Variants in TRIM26 observed in about 807,000 individuals in gnomAD.
TRIM26 encodes tripartite motif-containing protein 26.
Under a neutral mutation model 45.5 loss-of-function variants are expected in TRIM26, and 16 were observed. The ratio of observed to expected loss-of-function variants is 0.35; its 90% CI spans 0.24 to 0.53. The LOEUF (loss-of-function observed/expected upper bound fraction) is 0.53, where lower values mean the gene tolerates loss of function less well. Among genes scored for constraint, TRIM26 ranks in the 20% least tolerant of loss-of-function variants. The pLI, the probability that TRIM26 is intolerant of heterozygous loss-of-function variation, is 0.92. For missense variants in TRIM26, 442 were observed against 691.1 expected (o/e 0.64, Z 4.04); for synonymous variants, 273 against 290.4 (o/e 0.94, Z 0.61).
Position 30,189,494 on chromosome 6 carries a change from A to G in TRIM26, c.828T>C (p.Ala276=), listed in dbSNP as rs1371947747. ...CTCCGGTCTTTTTTTTAACCACTCG[A>G]GCAATGGGTTTCCCAACCCAGAACT... ...RKKFWVGKPI[A]RVVKKKTGEF... is the part of the protein sequence containing the mutation. The change falls in exon 8 of 10, where the codon GCT becomes GCC. Residue 276 remains alanine, a synonymous_variant. Transcript: ENST00000454678. The surrounding 1 kb of genome is among the most constrained non-coding windows in gnomAD (Gnocchi z 5.0). 1.9e-6 allele frequency: 3 copies of G among 1,612,836 alleles called. No homozygotes were observed. Among genetic ancestry groups the G allele is most frequent in the Non-Finnish European group, 2.5e-6 (3 of 1,180,032 alleles).
chr6:30,205,619 C>T lies in TRIM26; in HGVS notation c.-375-854G>A, dbSNP rs539448907. ...GTGGGAGGCTAAGGCAGGAGGACTG[C>T]CTGAGCCCAGGAGTTTGAGACCAGC... On this transcript the variant is annotated intron_variant, in intron 1 of 9. Coordinates refer to ENST00000454678, the MANE Select transcript of TRIM26 (RefSeq NM_003449.5). Among the ~76,000 whole-genome samples the T allele has an allele frequency of 1.5e-3, 232 of 152,296 alleles. 3 individuals carry two copies. The highest frequency in any genetic ancestry group is 0.01 in the Middle Eastern group (3 of 294).
At chr6:30,187,608 C>T in intron 9 of TRIM26, 1 of 373,704 alleles carries the variant, frequency 2.7e-6, no homozygotes, top group Non-Finnish European at 5.4e-6. Flanking sequence ...GGTAATTACA[C>T]AGGTGAGCTC....
intron 1 of TRIM26, among the ~76,000 whole-genome samples, chr6:30,205,507 G>T (rs962739788): frequency 6.6e-6 from 1 of 152,142 alleles, no homozygotes; most frequent in Non-Finnish European, 1.5e-5. Flanking sequence ...ATGCATGCAC[G>T]ATTATTGGCT....
In TRIM26 at chr6:30,185,983, C is replaced by T. The variant is rs1443606164; in HGVS notation, c.1513G>A (p.Ala505Thr). 1.2e-6 allele frequency: 2 copies of T among 1,612,670 alleles called. No individual in the cohort carries two copies. The highest frequency in any genetic ancestry group is 1.7e-5 in the Admixed American group (1 of 59,980). Residue 505 changes from alanine (A) to threonine (T), a missense_variant, in exon 10 of 10, where the codon GCA (alanine) becomes ACA (threonine). Ala to Thr is a moderately conservative substitution (Grantham distance 58). Transcript: ENST00000454678. This position sits in a 1 kb window ranked among gnomAD's most constrained non-coding sequence, Gnocchi z 5.7. ...GTGTAGATGAGTTCCTGTGACTCTG[C>T]GTTGGTGAAAGTCACGGTGCCCCCT... ...YEGGTVTFTNAESQELIYTFT... is the reference protein window; with the variant it reads ...YEGGTVTFTNTESQELIYTFT...
chr6:30,188,772 G>A (rs775441596), intron 9 of TRIM26, among the ~76,000 whole-genome samples: 1 of 152,122 alleles, frequency 6.6e-6, no homozygotes, highest in East Asian at 1.9e-4. Flanking sequence ...CTGCAGGGCT[G>A]AGAGGGGGCA....
At position 30,189,438 on chromosome 6, in the gene TRIM26, C is replaced by T. The variant is rs147887830; in HGVS notation, c.884G>A (p.Arg295Gln). The change falls in exon 8 of 10, where the codon CGA becomes CAA. Residue 295 changes from arginine to glutamine, a missense_variant. Transcript: ENST00000454678. This position sits in a 1 kb window ranked among gnomAD's most constrained non-coding sequence, Gnocchi z 5.0. Reference sequence around the variant, plus strand: ...CTTACCCTGGAATTCCCTCAGGCCTCGTTGCAGAGAGAGGAGTTTATCTGA... The same window carrying T: ...CTTACCCTGGAATTCCCTCAGGCCTTGTTGCAGAGAGAGGAGTTTATCTGA... Reference protein sequence around the residue: ...EFSDKLLSLQRGLREFQGKLL... With the variant: ...EFSDKLLSLQQGLREFQGKLL... 3.5e-5 allele frequency: 57 copies of T among 1,612,866 alleles called. No homozygotes were observed. Among genetic ancestry groups the T allele is most frequent in the Non-Finnish European group, 4.5e-5 (53 of 1,180,012 alleles).
chr6:30,188,068 A>C (rs1177761801), intron 9 of TRIM26, among the ~76,000 whole-genome samples: 7 of 149,250 alleles, frequency 4.7e-5, no homozygotes, highest in Admixed American at 4.7e-4. Flanking sequence ...AAATACAAAA[A>C]ATTAGCCGGG....
intron 5 of TRIM26, among the ~76,000 whole-genome samples, chr6:30,197,819 C>T (rs916029472): frequency 6.6e-6 from 1 of 152,128 alleles, no homozygotes; most frequent in African/African-American, 2.4e-5. Flanking sequence ...TGTACATGTT[C>T]AGTAGAGACG....
At chr6:30,188,594 G>A in intron 9 of TRIM26, 1 of 232,302 alleles carries the variant, frequency 4.3e-6, no homozygotes, top group Non-Finnish European at 8.9e-6. Flanking sequence ...AGCTCTCAGG[G>A]CCTCGTTTGC....
At position 30,193,487 on chromosome 6, in the gene TRIM26, AT is replaced by A. The variant is rs201630493; in HGVS notation, c.765+3028del. ...GAGCCACCACAACTGGCTGTAGTATATTTTGAAGTAAGATAGTGTGAGGCCT... is the reference window on the plus strand; with the variant it reads ...GAGCCACCACAACTGGCTGTAGTATATTTGAAGTAAGATAGTGTGAGGCCT... On this transcript the variant is annotated intron_variant, in intron 6 of 9. Coordinates refer to ENST00000454678, the MANE Select transcript of TRIM26 (RefSeq NM_003449.5). Among the ~76,000 whole-genome samples, 671 of 151,906 alleles carry A rather than the reference AT, an allele frequency of 4.4e-3. 2 individuals carry two copies. Among genetic ancestry groups the A allele is most frequent in the African/African-American group, 0.011 (472 of 41,414 alleles).
rs1307804174 is a variant in TRIM26 at position 30,196,630 on chromosome 6, G to A, written c.651C>T (p.Leu217=). ...TCTTGAACTTCTCCCTGCCCTCCGT[G>A]AGCTCCTGCTCCAGCTTCGCCAGCT... ...LEQLAKLEQE[L]TEGREKFKSR... Residue 217 remains leucine, a synonymous_variant, in exon 6 of 10, where the codon CTC becomes CTT. Coordinates refer to ENST00000454678, the MANE Select transcript of TRIM26 (RefSeq NM_003449.5). This position sits in a 1 kb window ranked among gnomAD's most constrained non-coding sequence, Gnocchi z 4.9. 3 of 1,613,990 alleles carry A rather than the reference G, an allele frequency of 1.9e-6. No homozygotes were observed. The Admixed American group carries it at 5.0e-5, about 27-fold the overall frequency.
At position 30,199,150 on chromosome 6, in the gene TRIM26, TCTC is replaced by T. The variant is rs752249844; in HGVS notation, c.-50_-48del. 3 of 1,508,632 alleles carry T rather than the reference TCTC, an allele frequency of 2.0e-6. No homozygotes were observed. Among genetic ancestry groups the T allele is most frequent in the East Asian group, 2.3e-5 (1 of 43,714 alleles). The allele number at this position is 1,508,632 out of a possible 1,614,324, so 93.5% of individuals were successfully genotyped here. A position where few individuals can be genotyped will look rare whatever the true frequency, so the allele number is the denominator to read the frequency against. On this transcript the variant is annotated 5_prime_UTR_variant, in exon 4 of 10. Transcript: ENST00000454678. ...TCTCCGTTCACTGGTGAGGACTTCT[TCTC>T]CTTGGAGACGCGACATAGAGTCAGG...
In TRIM26 at chr6:30,190,857, T is replaced by C. The variant is rs1775756700; in HGVS notation, c.766-822A>G. On this transcript the variant is annotated intron_variant, in intron 6 of 9. Coordinates refer to ENST00000454678, the MANE Select transcript of TRIM26 (RefSeq NM_003449.5). The surrounding 1 kb of genome is among the most constrained non-coding windows in gnomAD (Gnocchi z 4.3). ...TGGATAAGCTTATGTACAGCTACTG[T>C]GATAGCTCTAGACCCTGCACCTCTG... 6.6e-6 allele frequency among the ~76,000 whole-genome samples: 1 copy of C among 152,138 alleles called. No individual in the cohort carries two copies.
In TRIM26 at chr6:30,198,962, C is replaced by A; in HGVS notation, c.142G>T (p.Gly48Trp). The part of the protein sequence containing the change: ...SCTTDVRPIS[G>W]SRPVCPLCKK... ...CAGAGTGGGCAGACGGGGCGGCTCC[C>A]TGAGATGGGGCGGACGTCTGTGGTG... Residue 48 changes from glycine (G) to tryptophan (W), a missense_variant, in exon 4 of 10, where the codon GGG becomes TGG. Physicochemically the swap from Gly to Trp is radical, Grantham distance 184. Coordinates refer to ENST00000454678, the MANE Select transcript of TRIM26 (RefSeq NM_003449.5). The surrounding 1 kb of genome is among the most constrained non-coding windows in gnomAD (Gnocchi z 6.3). 1 of 1,612,846 alleles carries A rather than the reference C, an allele frequency of 6.2e-7. No individual in the cohort carries two copies. The highest frequency in any genetic ancestry group is 8.5e-7 in the Non-Finnish European group (1 of 1,179,910).
In TRIM26 at chr6:30,196,227, T is replaced by C. The variant is rs770958458; in HGVS notation, c.765+289A>G. Among the ~76,000 whole-genome samples the C allele has an allele frequency of 1.3e-5, 2 of 152,250 alleles. No homozygotes were observed. Among genetic ancestry groups the C allele is most frequent in the Non-Finnish European group, 2.9e-5 (2 of 68,042 alleles). ...GGGCTTGTGATGGCAGTGATGAGGATGGAGGATGGTAAATGATATTAATAA... is the reference window on the plus strand; with the variant it reads ...GGGCTTGTGATGGCAGTGATGAGGACGGAGGATGGTAAATGATATTAATAA... On this transcript the variant is annotated intron_variant, in intron 6 of 9. Coordinates refer to ENST00000454678, the MANE Select transcript of TRIM26 (RefSeq NM_003449.5). The surrounding 1 kb of genome is among the most constrained non-coding windows in gnomAD (Gnocchi z 4.9).
chr6:30,193,082 A>G (rs933427611), intron 6 of TRIM26, among the ~76,000 whole-genome samples: 2 of 139,736 alleles, frequency 1.4e-5, no homozygotes, highest in South Asian at 4.5e-4. Context: ...ATATATGTAT[A>G]TATACATATA....
In TRIM26 at chr6:30,184,467, G is replaced by C. The variant is rs971604136; in HGVS notation, c.*1409C>G. On this transcript the variant is annotated 3_prime_UTR_variant, in exon 10 of 10. Coordinates refer to ENST00000454678, the MANE Select transcript of TRIM26 (RefSeq NM_003449.5). ...GATCTCCAGGCTGTTCATTCAACAAGTCTTTATTGAGCACCTACTCTGTGC... is the reference window on the plus strand; with the variant it reads ...GATCTCCAGGCTGTTCATTCAACAACTCTTTATTGAGCACCTACTCTGTGC... 3 of 152,248 alleles carry C rather than the reference G, an allele frequency of 2.0e-5. No homozygotes were observed. Among genetic ancestry groups the C allele is most frequent in the Admixed American group, 6.5e-5 (1 of 15,280 alleles). The allele number at this position is 152,248 out of a possible 1,614,324, so 9.4% of individuals were successfully genotyped here.
At chr6:30,187,505 A>G in intron 9 of TRIM26, 2 of 525,528 alleles carry the variant, frequency 3.8e-6, no homozygotes, top group South Asian at 2.8e-5. Context: ...CCCCTTTTGC[A>G]GCTTGATCTT....
chr6:30,199,944 C>A (rs188605227), intron 3 of TRIM26, among the ~76,000 whole-genome samples: 1 of 152,090 alleles, frequency 6.6e-6, no homozygotes, highest in Admixed American at 6.5e-5. Flanking sequence ...CCAAGAGACC[C>A]CTTTTGTTTG....
Sources: allele counts gnomAD v4.1 joint callset (sites outside exome capture counted in the v4.1 genomes callset), GRCh38; gene constraint gnomAD v4.1.1; non-coding constraint Gnocchi (gnomAD v3.1); transcripts MANE v1.5; gene names NCBI Gene and HGNC (gene_info 2026-07-23, HGNC 2026-07-21).